SUPT3H: variants seen among roughly 807,000 people sequenced by gnomAD.
SUPT3H encodes SPT3 homolog, SAGA and STAGA complex component, also known as transcription initiation protein SPT3 homolog.
A neutral mutation model predicts 44.3 loss-of-function variants in SUPT3H; 44 were observed. That is an observed-to-expected ratio of 0.99 (90% CI 0.78 to 1.28). The LOEUF (loss-of-function observed/expected upper bound fraction) is 1.28, where lower values mean the gene tolerates loss of function less well. SUPT3H is among the 50% of genes most tolerant of loss of function. The pLI is 0.00. For synonymous variants in SUPT3H, 124 were observed against 125.6 expected (o/e 0.99, Z 0.09); for missense variants, 380 against 387.1 (o/e 0.98, Z 0.15).
At chr6:44,878,276 C>A (rs900677449) in intron 10 of SUPT3H, among the ~76,000 whole-genome samples, 8 of 152,168 alleles carry the variant, frequency 5.3e-5, no homozygotes, top group Non-Finnish European at 1.2e-4. Flanking sequence ...CTGTTTGAAG[C>A]AAAGTCCATC....
chr6:45,190,498 GA>G (rs1317591158), intron 2 of SUPT3H, among the ~76,000 whole-genome samples: 2 of 149,548 alleles, frequency 1.3e-5, no homozygotes, highest in South Asian at 2.1e-4. Flanking sequence ...AAACTTATGT[GA>G]AAAAAAAATG....
At chr6:45,145,785 G>A (rs1583821587) in intron 2 of SUPT3H, among the ~76,000 whole-genome samples, 1 of 151,672 alleles carries the variant, frequency 6.6e-6, no homozygotes, top group South Asian at 2.1e-4. Flanking sequence ...GACTAATATC[G>A]AGAATCTACA....
intron 2 of SUPT3H, among the ~76,000 whole-genome samples, chr6:45,351,207 T>C (rs1369990160): frequency 6.6e-6 from 1 of 151,936 alleles, no homozygotes; most frequent in East Asian, 1.9e-4. Flanking sequence ...ACAAAAAAAT[T>C]ATGCTCTAAA....
chr6:44,950,389 T>A (rs1198420568), intron 9 of SUPT3H, among the ~76,000 whole-genome samples: 1 of 152,218 alleles, frequency 6.6e-6, no homozygotes, highest in Non-Finnish European at 1.5e-5. Context: ...ATGGTATTAT[T>A]AATCTACATT....
intron 2 of SUPT3H, among the ~76,000 whole-genome samples, chr6:45,153,106 T>C (rs1187007629): frequency 3.9e-5 from 6 of 152,198 alleles, no homozygotes; most frequent in Admixed American, 6.6e-5. Flanking sequence ...ACCTTTCAGA[T>C]TGGCCTTTCT....
intron 10 of SUPT3H, among the ~76,000 whole-genome samples, chr6:44,882,270 A>T (rs1043090371): frequency 3.3e-5 from 5 of 152,226 alleles, no homozygotes; most frequent in African/African-American, 1.2e-4. Flanking sequence ...TACGCAAATA[A>T]ACTAGAAAAT....
At chr6:45,257,905 G>T (rs1298544168) in intron 2 of SUPT3H, among the ~76,000 whole-genome samples, 1 of 151,878 alleles carries the variant, frequency 6.6e-6, no homozygotes, top group Non-Finnish European at 1.5e-5. Context: ...TTTTTGCATT[G>T]GTCTAATATA....
At chr6:45,055,780 C>T (rs1031072790) in intron 3 of SUPT3H, among the ~76,000 whole-genome samples, 2 of 151,878 alleles carry the variant, frequency 1.3e-5, no homozygotes, top group African/African-American at 4.8e-5. Context: ...ACTTCATGAC[C>T]AAAAACCCAA....
chr6:45,097,317 G>A (rs1481791595), intron 3 of SUPT3H, among the ~76,000 whole-genome samples: 1 of 152,210 alleles, frequency 6.6e-6, no homozygotes, highest in East Asian at 1.9e-4. Context: ...GGACACAAGT[G>A]TCAAGCCCAG....
chr6:45,154,087 A>T, intron 2 of SUPT3H, among the ~76,000 whole-genome samples: 1 of 114,620 alleles, frequency 8.7e-6, no homozygotes, highest in African/African-American at 3.1e-5. Context: ...AAAAAAAAAA[A>T]AGCGCTTAGT....
At chr6:45,123,218 A>G (rs986771841) in intron 2 of SUPT3H, among the ~76,000 whole-genome samples, 2 of 152,286 alleles carry the variant, frequency 1.3e-5, no homozygotes, top group Non-Finnish European at 2.9e-5. Context: ...GTCCTTGTGA[A>G]CTCCAAAATT....
At chr6:45,365,355 G>GA in intron 1 of SUPT3H, 54 bp from the exon 2 acceptor site, 6 of 1,158,558 alleles carry the variant, frequency 5.2e-6, no homozygotes, top group South Asian at 1.4e-5. Flanking sequence ...ATAAGTAAAT[G>GA]CAAAAAAAAA....
At chr6:44,868,097 C>T (rs775687337) in intron 10 of SUPT3H, among the ~76,000 whole-genome samples, 3 of 152,038 alleles carry the variant, frequency 2.0e-5, no homozygotes, top group South Asian at 4.1e-4. Context: ...GTTCTTTTCC[C>T]GTTAAAGTTT....
chr6:45,203,804 T>A (rs1279181152), intron 2 of SUPT3H, among the ~76,000 whole-genome samples: 1 of 152,122 alleles, frequency 6.6e-6, no homozygotes, highest in Non-Finnish European at 1.5e-5. Flanking sequence ...CCAGGCAAGA[T>A]CAATTGTAAC....
Position 45,239,423 on chromosome 6 carries a change from T to C in SUPT3H, c.101+125778A>G, listed in dbSNP as rs1163982771. Among the ~76,000 whole-genome samples the C allele has an allele frequency of 5.3e-5, 8 of 152,332 alleles. No individual in the cohort carries two copies. The East Asian group carries it at 9.7e-4, about 18-fold the overall frequency. On this transcript the variant is annotated intron_variant, in intron 2 of 10. Coordinates refer to ENST00000371459, the MANE Select transcript of SUPT3H (RefSeq NM_003599.4). ...TCTGGTCTCAAGCGCAGATACAGCA[T>C]TACCTGGAAAGAAGCTAAAGCTATT...
chr6:45,228,940 T>TA (rs1007263479), intron 2 of SUPT3H, among the ~76,000 whole-genome samples: 2 of 152,142 alleles, frequency 1.3e-5, no homozygotes, highest in African/African-American at 4.8e-5. Flanking sequence ...GTGCCCAACC[T>TA]AAAAATAAAT....
chr6:44,908,111 C>T (rs1487066396), intron 10 of SUPT3H, among the ~76,000 whole-genome samples: 2 of 150,948 alleles, frequency 1.3e-5, no homozygotes, highest in Non-Finnish European at 3.0e-5. Flanking sequence ...TTAACCAGTG[C>T]AAAAATGTAG....
At chr6:45,299,638 A>G (rs1655283420) in intron 2 of SUPT3H, among the ~76,000 whole-genome samples, 1 of 151,940 alleles carries the variant, frequency 6.6e-6, no homozygotes, top group African/African-American at 2.4e-5. Context: ...AATGGTAGCT[A>G]AAAAAATTAA....
At chr6:45,140,183 C>A (rs1804950593) in intron 2 of SUPT3H, among the ~76,000 whole-genome samples, 1 of 152,066 alleles carries the variant, frequency 6.6e-6, no homozygotes, top group African/African-American at 2.4e-5. Flanking sequence ...CTGCAAACCA[C>A]CCCCTCCCCA....
Sources: allele counts gnomAD v4.1 joint callset (sites outside exome capture counted in the v4.1 genomes callset), GRCh38; gene constraint gnomAD v4.1.1; transcripts MANE v1.5; gene names NCBI Gene and HGNC (gene_info 2026-07-23, HGNC 2026-07-21).